ETV6: variants seen among roughly 807,000 people sequenced by gnomAD.
ETV6 encodes the protein ETS variant transcription factor 6.
In ETV6, 16 loss-of-function variants were observed where a neutral mutation model predicts 51.1. That is an observed-to-expected ratio of 0.31 (90% confidence interval 0.21 to 0.48). ETV6 has a LOEUF of 0.48. ETV6 is among the 20% of genes least tolerant of loss of function. The probability of loss-of-function intolerance (pLI) is 0.99; values close to 1 mark genes in which losing one functional copy is unlikely to be tolerated. For missense variants in ETV6, 458 were observed against 594.8 expected (o/e 0.77, Z 2.39); for synonymous variants, 240 against 224.1 (o/e 1.07, Z -0.64).
chr12:11,679,062 T>C (rs1227687619), intron 1 of ETV6, among the ~76,000 whole-genome samples: 4 of 152,200 alleles, frequency 2.6e-5, no homozygotes, highest in Admixed American at 2.6e-4. Flanking sequence ...CCGAGTCAAA[T>C]TGACATATAA....
intron 4 of ETV6, among the ~76,000 whole-genome samples, chr12:11,856,040 G>A (rs1159073314): frequency 1.3e-5 from 2 of 151,898 alleles, no homozygotes; most frequent in Admixed American, 1.3e-4. Flanking sequence ...TTGGAATTTA[G>A]CCCCATTTTA....
At position 11,671,895 on chromosome 12, in the gene ETV6, G is replaced by A. The variant is rs572610392; in HGVS notation, c.33+21735G>A. Among the ~76,000 whole-genome samples, 9 of 151,224 alleles carry A rather than the reference G, an allele frequency of 6.0e-5. No individual in the cohort carries two copies. The East Asian group carries it at 1.8e-3, about 29-fold the overall frequency. ...TGTGAAAAACTCAACCAGGTGAACT[G>A]AGTGAATGAACCTACTTTTTAATTG... On this transcript the variant is annotated intron_variant, in intron 1 of 7. Transcript: ENST00000396373.
intron 2 of ETV6, among the ~76,000 whole-genome samples, chr12:11,810,111 A>G (rs1183301594): frequency 2.0e-5 from 3 of 152,184 alleles, no homozygotes; most frequent in African/African-American, 7.2e-5. Flanking sequence ...GAGCCACCGC[A>G]CCTGGCTGGA....
intron 2 of ETV6, among the ~76,000 whole-genome samples, chr12:11,784,458 CA>C (rs33973168): frequency 0.85 from 100,468 of 118,228 alleles, 42,425 homozygotes; most frequent in East Asian, 0.95. Context: ...GACTCCATCT[CA>C]AAAAAAAAAA....
At chr12:11,687,549 A>G (rs909222835) in intron 1 of ETV6, among the ~76,000 whole-genome samples, 37 of 152,186 alleles carry the variant, frequency 2.4e-4, no homozygotes, top group African/African-American at 7.5e-4. Context: ...TCATGTATCA[A>G]GATTGCTGAG....
In ETV6 at chr12:11,815,151, G is replaced by A. The variant is rs573442641; in HGVS notation, c.164-23989G>A. 2.6e-5 allele frequency among the ~76,000 whole-genome samples: 4 copies of A among 152,272 alleles called. No homozygotes were observed. The East Asian group carries it at 7.7e-4, about 29-fold the overall frequency. The stretch of plus-strand genomic sequence containing the variant: ...AGTGATGTTTTATAGTCATGTCGAA[G>A]AACCTTCACATCCATGGCCTCATTT... On this transcript the variant is annotated intron_variant, in intron 2 of 7. Transcript: ENST00000396373.
At chr12:11,889,789 A>C (rs1174165700) in intron 7 of ETV6, among the ~76,000 whole-genome samples, 1 of 152,220 alleles carries the variant, frequency 6.6e-6, no homozygotes. Context: ...CTTTGACTTG[A>C]TGAGTGGTCA....
At chr12:11,870,113 T>A in intron 5 of ETV6, 144 bp downstream of exon 5, 1 of 930,280 alleles carries the variant, frequency 1.1e-6, no homozygotes, top group Non-Finnish European at 1.6e-6. Flanking sequence ...AGGCTTCTGC[T>A]TGGATGAGGC....
chr12:11,853,401 G>A (rs370320748), intron 3 of ETV6, 26 bp from the exon 4 acceptor site: 121 of 1,613,462 alleles, frequency 7.5e-5, no homozygotes, highest in Admixed American at 1.2e-4. Flanking sequence ...TCCATTTCTC[G>A]ATTTCCCTTT....
intron 2 of ETV6, among the ~76,000 whole-genome samples, chr12:11,836,822 C>T (rs959769418): frequency 3.9e-5 from 6 of 152,110 alleles, no homozygotes; most frequent in African/African-American, 1.4e-4. Flanking sequence ...AATAAGCCAC[C>T]CTGTACTTTT....
chr12:11,738,255 T>G (rs1865744294), intron 1 of ETV6, among the ~76,000 whole-genome samples: 1 of 137,716 alleles, frequency 7.3e-6, no homozygotes, highest in African/African-American at 2.6e-5. Context: ...CTTCCCTCCT[T>G]CCTTCCTCTC....
At chr12:11,792,036 C>T (rs1055164122) in intron 2 of ETV6, among the ~76,000 whole-genome samples, 7 of 152,274 alleles carry the variant, frequency 4.6e-5, no homozygotes, top group Admixed American at 1.3e-4. Flanking sequence ...AAGCAAGGAG[C>T]CAGCTCTGAG....
intron 1 of ETV6, among the ~76,000 whole-genome samples, chr12:11,668,487 A>G (rs1013216603): frequency 1.3e-5 from 2 of 152,032 alleles, no homozygotes; most frequent in African/African-American, 4.8e-5. Context: ...AAAGAGTATC[A>G]TGTGAGATTA....
intron 1 of ETV6, among the ~76,000 whole-genome samples, chr12:11,709,061 G>A (rs948732370): frequency 1.4e-4 from 21 of 152,112 alleles, no homozygotes; most frequent in African/African-American, 4.6e-4. Flanking sequence ...TGGCCTGAAA[G>A]CTTGATTCGT....
chr12:11,702,960 G>T (rs1865011160), intron 1 of ETV6, among the ~76,000 whole-genome samples: 1 of 152,166 alleles, frequency 6.6e-6, no homozygotes, highest in Non-Finnish European at 1.5e-5. Flanking sequence ...ACAAAAATTA[G>T]CTGGGCGTGG....
At chr12:11,792,966 G>T (rs796071478) in intron 2 of ETV6, among the ~76,000 whole-genome samples, 3 of 152,022 alleles carry the variant, frequency 2.0e-5, no homozygotes, top group East Asian at 3.9e-4. Flanking sequence ...TAGTTAGGGG[G>T]CTACGGGAGG....
chr12:11,736,091 C>T (rs1865698767), intron 1 of ETV6, among the ~76,000 whole-genome samples: 1 of 151,906 alleles, frequency 6.6e-6, no homozygotes, highest in African/African-American at 2.4e-5. Context: ...AGTTTTTTTT[C>T]CCTCTAGCCT....
chr12:11,869,323 A>G lies in ETV6; in HGVS notation c.464-101A>G. 3 of 1,007,366 alleles carry G rather than the reference A, an allele frequency of 3.0e-6. No homozygotes were observed. The highest frequency in any genetic ancestry group is 4.4e-6 in the Non-Finnish European group (3 of 678,716). The allele number at this position is 1,007,366 out of a possible 1,614,324, so 62.4% of individuals were successfully genotyped here. A position where few individuals can be genotyped will look rare whatever the true frequency, so the allele number is the denominator to read the frequency against. ...TTCTGGGGAGAAAGGTCCTTTACAC[A>G]TACCTACACGCTCCTCCATTTACCG... On this transcript the variant is annotated intron_variant, in intron 4 of 7. Transcript: ENST00000396373. The surrounding 1 kb of genome is among the most constrained non-coding windows in gnomAD (Gnocchi z 5.0).
chr12:11,650,660 C>T (rs1863889770), intron 1 of ETV6, among the ~76,000 whole-genome samples: 1 of 152,012 alleles, frequency 6.6e-6, no homozygotes, highest in Non-Finnish European at 1.5e-5. Flanking sequence ...TCTGATCAGA[C>T]AGGATTTTTT....
Sources: allele counts gnomAD v4.1 joint callset (sites outside exome capture counted in the v4.1 genomes callset), GRCh38; gene constraint gnomAD v4.1.1; non-coding constraint Gnocchi (gnomAD v3.1); transcripts MANE v1.5; gene names NCBI Gene and HGNC (gene_info 2026-07-23, HGNC 2026-07-21).